The following GPC6 variants were observed in gnomAD, a reference collection of about 807,000 sequenced individuals.
GPC6 encodes glypican 6, also known as glypican-6.
Under a neutral mutation model 55.2 loss-of-function variants are expected in GPC6, and 14 were observed. The ratio of observed to expected loss-of-function variants is 0.25; its 90% CI spans 0.17 to 0.40. The LOEUF is 0.40. GPC6 is among the 10% of genes least tolerant of loss of function. GPC6 has a pLI of 1.00. For missense variants in GPC6, 641 were observed against 708.5 expected (o/e 0.90, Z 1.08); for synonymous variants, 278 against 259.6 (o/e 1.07, Z -0.68).
chr13:93,664,883 A>G (rs1881073281), intron 2 of GPC6, among the ~76,000 whole-genome samples: 1 of 152,270 alleles, frequency 6.6e-6, no homozygotes, highest in Non-Finnish European at 1.5e-5. Context: ...TTAAATTGAC[A>G]GACATTAAAG....
chr13:93,800,563 G>A (rs1353000665), intron 2 of GPC6, among the ~76,000 whole-genome samples: 1 of 152,162 alleles, frequency 6.6e-6, no homozygotes, highest in African/African-American at 2.4e-5. Flanking sequence ...TATGTTGTAT[G>A]AAGTCAGTGA....
intron 1 of GPC6, among the ~76,000 whole-genome samples, chr13:93,349,061 A>G (rs1347465732): frequency 1.3e-5 from 2 of 152,168 alleles, no homozygotes; most frequent in African/African-American, 4.8e-5. Context: ...GAGATGTAAC[A>G]TTACTTTTAC....
At position 94,257,711 on chromosome 13, in the gene GPC6, C is replaced by G. The variant is rs534311291; in HGVS notation, c.878-28638C>G. Among the ~76,000 whole-genome samples the G allele has an allele frequency of 4.6e-5, 7 of 152,280 alleles. No individual in the cohort carries two copies. The East Asian group carries it at 1.2e-3, about 25-fold the overall frequency. On this transcript the variant is annotated intron_variant, in intron 4 of 8. Coordinates refer to ENST00000377047, the MANE Select transcript of GPC6 (RefSeq NM_005708.5). ...CTGTGAGGCCAGCCAGCTGGTTTCT[C>G]ATTTATTGAATGGCAGAAATAAGGC...
intron 4 of GPC6, among the ~76,000 whole-genome samples, chr13:94,107,496 T>TC (rs1886095778): frequency 6.6e-6 from 1 of 152,038 alleles, no homozygotes; most frequent in Non-Finnish European, 1.5e-5. Context: ...GTCCAGAATC[T>TC]ATACTTCACT....
At chr13:93,823,846 A>G (rs567617569) in intron 2 of GPC6, among the ~76,000 whole-genome samples, 1 of 152,312 alleles carries the variant, frequency 6.6e-6, no homozygotes, top group South Asian at 2.1e-4. Flanking sequence ...TCCTAGGAAT[A>G]ATTAGTTGAG....
At chr13:93,434,019 A>G (rs1211973670) in intron 1 of GPC6, among the ~76,000 whole-genome samples, 1 of 152,204 alleles carries the variant, frequency 6.6e-6, no homozygotes. Context: ...AAAATAGGAT[A>G]ATATGTACTA....
chr13:93,223,999 T>C (rs369294618), upstream of GPC6, among the ~76,000 whole-genome samples: 1 of 146,300 alleles, frequency 6.8e-6, no homozygotes, highest in Non-Finnish European at 1.5e-5. Flanking sequence ...TCCCGGGTTC[T>C]CGCCATTCTC....
chr13:93,656,406 C>T (rs1297772801), intron 2 of GPC6, among the ~76,000 whole-genome samples: 1 of 152,092 alleles, frequency 6.6e-6, no homozygotes, highest in African/African-American at 2.4e-5. Context: ...TTTATTTCAT[C>T]ATTACTATAA....
intron 3 of GPC6, among the ~76,000 whole-genome samples, chr13:93,973,628 C>A (rs925554571): frequency 1.3e-5 from 2 of 152,212 alleles, no homozygotes; most frequent in Middle Eastern, 3.4e-3. Flanking sequence ...TTTAAAATAA[C>A]GTGTTTATTA....
chr13:93,411,068 C>A (rs890286606), intron 1 of GPC6, among the ~76,000 whole-genome samples: 1 of 152,202 alleles, frequency 6.6e-6, no homozygotes, highest in Non-Finnish European at 1.5e-5. Context: ...CATCTCATGA[C>A]TGTTGATACC....
intron 2 of GPC6, among the ~76,000 whole-genome samples, chr13:93,679,385 A>G (rs932516296): frequency 6.6e-6 from 1 of 152,202 alleles, no homozygotes; most frequent in African/African-American, 2.4e-5. Context: ...CCTGAATGTA[A>G]CTAAGTAGAT....
rs552447923 is a variant in GPC6 at position 93,580,447 on chromosome 13, C to A, written c.319+35026C>A. On this transcript the variant is annotated intron_variant, in intron 2 of 8. Transcript: ENST00000377047. ...TCTGAAGGAGCACATGCAGTCACCCCGAAGACTACATTATACACATAGCAG... is the reference window on the plus strand; with the variant it reads ...TCTGAAGGAGCACATGCAGTCACCCAGAAGACTACATTATACACATAGCAG... Among the ~76,000 whole-genome samples, 9 of 152,252 alleles carry A rather than the reference C, an allele frequency of 5.9e-5. No individual in the cohort carries two copies. In the South Asian group the frequency reaches 1.7e-3, roughly 28 times the overall value.
chr13:94,366,197 A>G (rs1365357262), intron 6 of GPC6, among the ~76,000 whole-genome samples: 3 of 152,212 alleles, frequency 2.0e-5, no homozygotes, highest in African/African-American at 7.2e-5. Context: ...CATTTGAAGT[A>G]AGAGTTGGCA....
chr13:93,661,902 A>G (rs10508009), intron 2 of GPC6, among the ~76,000 whole-genome samples: 75,100 of 151,982 alleles, frequency 0.49, 20,953 homozygotes, highest in Middle Eastern at 0.76. Context: ...TATGTTTCAG[A>G]TAACTCCAGA....
In GPC6 at chr13:93,775,861, G is replaced by C. The variant is rs547167445; in HGVS notation, c.320-54293G>C. Among the ~76,000 whole-genome samples the C allele has an allele frequency of 2.6e-5, 4 of 152,182 alleles. No individual in the cohort carries two copies. In the East Asian group the frequency reaches 7.7e-4, roughly 29 times the overall value. On this transcript the variant is annotated intron_variant, in intron 2 of 8. Transcript: ENST00000377047. ...TAAAGTTACTTAGAGATATAGTGCT[G>C]TCAGAAAATAATTCTCTGAAAAGTC...
chr13:94,350,385 C>T (rs1878483440), intron 6 of GPC6, among the ~76,000 whole-genome samples: 1 of 152,054 alleles, frequency 6.6e-6, no homozygotes, highest in Non-Finnish European at 1.5e-5. Flanking sequence ...CAGATGATTC[C>T]AATATGCACC....
At chr13:94,142,978 G>A (rs1291101516) in intron 4 of GPC6, among the ~76,000 whole-genome samples, 1 of 151,658 alleles carries the variant, frequency 6.6e-6, no homozygotes, top group African/African-American at 2.4e-5. Context: ...ACAGGCACGT[G>A]CCACCACGCC....
At chr13:94,042,284 C>A (rs1426700869) in intron 4 of GPC6, among the ~76,000 whole-genome samples, 1 of 151,782 alleles carries the variant, frequency 6.6e-6, no homozygotes. Context: ...TCCTGTACAC[C>A]CTGCAGAACT....
At position 93,892,141 on chromosome 13, in the gene GPC6, A is replaced by G. The variant is rs1388571474; in HGVS notation, c.711+61596A>G. ...AGTGTATGTGTATGTATATGCACATATATAGTGTGTGTATGTATATTGTGT... is the reference window on the plus strand; with the variant it reads ...AGTGTATGTGTATGTATATGCACATGTATAGTGTGTGTATGTATATTGTGT... On this transcript the variant is annotated intron_variant, in intron 3 of 8. Transcript: ENST00000377047. Among the ~76,000 whole-genome samples the G allele has an allele frequency of 3.9e-5, 6 of 152,080 alleles. No homozygotes were observed. The East Asian group carries it at 1.2e-3, about 29-fold the overall frequency.
Sources: allele counts gnomAD v4.1 joint callset (sites outside exome capture counted in the v4.1 genomes callset), GRCh38; gene constraint gnomAD v4.1.1; transcripts MANE v1.5; gene names NCBI Gene and HGNC (gene_info 2026-07-23, HGNC 2026-07-21).